TENM2: variants seen among roughly 807,000 people sequenced by gnomAD.
The protein encoded by TENM2 is teneurin-2.
In TENM2, 52 loss-of-function variants were observed where a neutral mutation model predicts 245.2. The ratio of observed to expected loss-of-function variants is 0.21; its 90% CI spans 0.17 to 0.27. TENM2 has a LOEUF of 0.27. Among genes scored for constraint, TENM2 ranks in the 10% least tolerant of loss-of-function variants. TENM2 has a pLI of 1.00. For synonymous variants in TENM2, 1,363 were observed against 1,438.9 expected (o/e 0.95, Z 1.19); for missense variants, 3,046 against 3,666.8 (o/e 0.83, Z 4.37).
chr5:167,054,972 G>A, the TENM2 span, among the ~76,000 whole-genome samples: 9 of 151,960 alleles, frequency 5.9e-5, no homozygotes, highest in Admixed American at 3.3e-4. Context: ...CTCACAGTCC[G>A]TGGCTTGTCT....
intron 3 of TENM2, among the ~76,000 whole-genome samples, chr5:167,931,289 G>C (rs761107323): frequency 6.6e-6 from 1 of 152,138 alleles, no homozygotes; most frequent in Non-Finnish European, 1.5e-5. Flanking sequence ...TTTCTCATCA[G>C]AAATGGAGCT....
intron 2 of TENM2, among the ~76,000 whole-genome samples, chr5:167,597,165 CTTTTTT>C (rs34227363): frequency 3.7e-5 from 2 of 53,760 alleles, no homozygotes; most frequent in African/African-American, 6.9e-5. Flanking sequence ...CTTTTCTTTT[CTTTTTT>C]TTTTTTTTTT....
intron 2 of TENM2, among the ~76,000 whole-genome samples, chr5:167,512,539 A>G (rs1480723874): frequency 6.6e-6 from 1 of 152,210 alleles, no homozygotes; most frequent in African/African-American, 2.4e-5. Context: ...AATTTATAGC[A>G]TGGTGCTATC....
the TENM2 span, among the ~76,000 whole-genome samples, chr5:167,145,230 A>C: frequency 6.6e-6 from 1 of 152,324 alleles, no homozygotes; most frequent in East Asian, 1.9e-4. Context: ...GGACACGGAC[A>C]TCTTTGGGAG....
the TENM2 span, among the ~76,000 whole-genome samples, chr5:167,097,352 A>G: frequency 6.6e-6 from 1 of 152,192 alleles, no homozygotes; most frequent in Non-Finnish European, 1.5e-5. Flanking sequence ...CATCACCAAT[A>G]TTTAATTGGC....
rs1284323226 is a variant in TENM2, at chr5:168,168,238, AC to A, written c.2569+5482del. 2.6e-5 allele frequency among the ~76,000 whole-genome samples: 4 copies of A among 152,256 alleles called. No individual in the cohort carries two copies. In the East Asian group the frequency reaches 7.7e-4, roughly 29 times the overall value. Reference sequence around the variant, plus strand: ...CTCTGCAGATGACATTTTGAGATAAACTTTTTAAAATAATGGTGTTCCCTGG... The same window carrying A: ...CTCTGCAGATGACATTTTGAGATAAATTTTTAAAATAATGGTGTTCCCTGG... On this transcript the variant is annotated intron_variant, in intron 13 of 28. Coordinates refer to ENST00000518659, the Ensembl canonical transcript of TENM2.
the TENM2 span, among the ~76,000 whole-genome samples, chr5:167,142,043 T>C: frequency 3.3e-5 from 5 of 152,156 alleles, no homozygotes; most frequent in African/African-American, 1.2e-4. Context: ...TGAAACCATA[T>C]TAACATTGCC....
chr5:168,203,927 C>T, intron 18 of TENM2, 95 bp downstream of exon 20: 1 of 1,119,916 alleles, frequency 8.9e-7, no homozygotes, highest in Non-Finnish European at 1.2e-6. Flanking sequence ...ACCTCCCCTT[C>T]CCTGGGTCAT....
In TENM2 at chr5:167,345,282, T is replaced by C. The variant is rs367973048; in HGVS notation, c.227-29916T>C. 2.5e-4 allele frequency among the ~76,000 whole-genome samples: 38 copies of C among 152,290 alleles called. No individual in the cohort carries two copies. The East Asian group carries it at 5.8e-3, about 23-fold the overall frequency. On this transcript the variant is annotated intron_variant, in intron 1 of 28. Coordinates refer to ENST00000518659, the Ensembl canonical transcript of TENM2. The stretch of plus-strand genomic sequence containing the variant: ...GAGAAAGCCATGCTTACAGGTCCTC[T>C]CTCCATTCGGCTTTAGTGGTTGCAC...
chr5:168,208,281 T>A (rs887390019), intron 19 of TENM2, among the ~76,000 whole-genome samples: 2 of 152,356 alleles, frequency 1.3e-5, no homozygotes, highest in South Asian at 2.1e-4. Context: ...TTCCATTTTT[T>A]TATTTTTTAA....
At chr5:167,111,862 G>A in the TENM2 span, among the ~76,000 whole-genome samples, 59 of 152,154 alleles carry the variant, frequency 3.9e-4, no homozygotes, top group Non-Finnish European at 6.8e-4. Context: ...TTTTCATTCC[G>A]TCCTATTATG....
the TENM2 span, among the ~76,000 whole-genome samples, chr5:167,112,043 C>G: frequency 6.6e-6 from 1 of 152,182 alleles, no homozygotes; most frequent in Non-Finnish European, 1.5e-5. Context: ...AAAATACACA[C>G]TCCAAAATGT....
chr5:168,180,190 GC>G (rs1759744556), intron 13 of TENM2, among the ~76,000 whole-genome samples: 1 of 152,176 alleles, frequency 6.6e-6, no homozygotes, highest in African/African-American at 2.4e-5. Context: ...CAAACCTAGA[GC>G]CCTATGTTCT....
At chr5:166,981,411 G>T in the TENM2 span, among the ~76,000 whole-genome samples, 3 of 152,120 alleles carry the variant, frequency 2.0e-5, 1 homozygote, top group Non-Finnish European at 4.4e-5. Context: ...GCATTTGTTT[G>T]TCTAGGTACT....
At chr5:168,004,384 C>G (rs1291147137) in intron 5 of TENM2, among the ~76,000 whole-genome samples, 1 of 152,146 alleles carries the variant, frequency 6.6e-6, no homozygotes, top group Non-Finnish European at 1.5e-5. Context: ...CCCAGTGGAA[C>G]AGGGTCTGGT....
At chr5:167,611,887 T>C (rs1777498691) in intron 2 of TENM2, among the ~76,000 whole-genome samples, 1 of 152,036 alleles carries the variant, frequency 6.6e-6, no homozygotes, top group African/African-American at 2.4e-5. Context: ...ACCATCACAT[T>C]TGGGACTAGG....
At chr5:167,510,886 C>A (rs1161756998) in intron 2 of TENM2, among the ~76,000 whole-genome samples, 5 of 151,888 alleles carry the variant, frequency 3.3e-5, no homozygotes, top group African/African-American at 1.2e-4. Context: ...TAAATCATAG[C>A]TTTTTGTCAT....
At chr5:167,545,934 C>T (rs1013470708) in intron 2 of TENM2, among the ~76,000 whole-genome samples, 4 of 152,150 alleles carry the variant, frequency 2.6e-5, no homozygotes, top group African/African-American at 9.7e-5. Context: ...GTATAGAATG[C>T]ATTTCAAAGT....
intron 2 of TENM2, among the ~76,000 whole-genome samples, chr5:167,530,343 G>A (rs1024218323): frequency 1.3e-5 from 2 of 152,208 alleles, no homozygotes; most frequent in Non-Finnish European, 2.9e-5. Context: ...AAATTTTCAT[G>A]TGACTATCCA....
Sources: allele counts gnomAD v4.1 joint callset (sites outside exome capture counted in the v4.1 genomes callset), GRCh38; gene constraint gnomAD v4.1.1; transcripts MANE v1.5; gene names NCBI Gene and HGNC (gene_info 2026-07-23, HGNC 2026-07-21).